MYRFL: variants seen among roughly 807,000 people sequenced by gnomAD.
MYRFL encodes myelin regulatory factor like.
Under a neutral mutation model 109.4 loss-of-function variants are expected in MYRFL, and 88 were observed. The ratio of observed to expected loss-of-function variants is 0.80; its 90% CI spans 0.68 to 0.96. The LOEUF (loss-of-function observed/expected upper bound fraction) is 0.96. Among genes scored for constraint, MYRFL ranks in the 40% least tolerant of loss-of-function variants. The pLI is 0.00. For missense variants in MYRFL, 957 were observed against 954.9 expected (o/e 1.00, Z -0.03); for synonymous variants, 324 against 320.9 (o/e 1.01, Z -0.10).
At chr12:69,857,333 T>C (rs1393399674) in intron 2 of MYRFL, among the ~76,000 whole-genome samples, 1 of 151,930 alleles carries the variant, frequency 6.6e-6, no homozygotes, top group African/African-American at 2.4e-5. Flanking sequence ...GTGTAAGTCC[T>C]CTGAATTTTT....
chr12:69,827,369 G>A lies in MYRFL; in HGVS notation c.46+1806G>A, dbSNP rs982485563. 3.3e-5 allele frequency among the ~76,000 whole-genome samples: 5 copies of A among 151,584 alleles called. No individual in the cohort carries two copies. The East Asian group carries it at 9.7e-4, about 29-fold the overall frequency. On this transcript the variant is annotated intron_variant, in intron 1 of 24. Transcript: ENST00000552032. ...TTTTTTTTTTTAAACTTCCAAACGT[G>A]ACTAAATCTTCATGGTGTCTCAGGA...
chr12:69,830,887 C>T (rs1392222346), intron 1 of MYRFL, among the ~76,000 whole-genome samples: 1 of 152,074 alleles, frequency 6.6e-6, no homozygotes, highest in African/African-American at 2.4e-5. Flanking sequence ...GAGTGGAGGA[C>T]TCCCCACCTT....
In MYRFL at chr12:69,855,276, G is replaced by T. The variant is rs1230848787; in HGVS notation, c.47-4G>T. ...TTCTCAAGATTTTCAATTTGCCTTTGCAGCTCAGGGAGCCAATGGTACTCT... is the reference window on the plus strand; with the variant it reads ...TTCTCAAGATTTTCAATTTGCCTTTTCAGCTCAGGGAGCCAATGGTACTCT... On this transcript the variant is annotated splice_region_variant and splice_polypyrimidine_tract_variant and intron_variant, in intron 1 of 24. Transcript: ENST00000552032. The T allele has an allele frequency of 1.4e-6, 1 of 699,362 alleles. No individual in the cohort carries two copies. The highest frequency in any genetic ancestry group is 2.6e-6 in the Non-Finnish European group (1 of 383,778). 43.3% of individuals were successfully genotyped at this position (699,362 alleles called of 1,614,324 possible).
chr12:69,943,104 T>C (rs1363935851), intron 19 of MYRFL, among the ~76,000 whole-genome samples: 1 of 151,544 alleles, frequency 6.6e-6, no homozygotes, highest in Non-Finnish European at 1.5e-5. Context: ...ATGGCCATAC[T>C]GCCCAGGGTA....
At chr12:69,847,884 A>T (rs1032451979) in intron 1 of MYRFL, among the ~76,000 whole-genome samples, 1 of 152,166 alleles carries the variant, frequency 6.6e-6, no homozygotes, top group Non-Finnish European at 1.5e-5. Flanking sequence ...TATGTAGTCA[A>T]ATTTATAGAC....
At chr12:69,885,053 TTCTC>T (rs940820339) in intron 5 of MYRFL, among the ~76,000 whole-genome samples, 3 of 152,200 alleles carry the variant, frequency 2.0e-5, no homozygotes, top group South Asian at 4.1e-4. Context: ...AAGAATTATG[TTCTC>T]TCTTTCTCTC....
intron 2 of MYRFL, among the ~76,000 whole-genome samples, chr12:69,875,796 C>T (rs914501133): frequency 6.6e-6 from 1 of 152,236 alleles, no homozygotes; most frequent in African/African-American, 2.4e-5. Flanking sequence ...GCCCCCACTA[C>T]GTCCATCTCT....
chr12:69,880,968 T>G (rs1886061849), intron 5 of MYRFL, among the ~76,000 whole-genome samples: 1 of 145,856 alleles, frequency 6.9e-6, no homozygotes, highest in African/African-American at 2.6e-5. Flanking sequence ...TTTTTTTTTT[T>G]TGTCTTATAT....
intron 21 of MYRFL, among the ~76,000 whole-genome samples, chr12:69,954,393 T>C (rs771625359): frequency 3.9e-5 from 6 of 152,240 alleles, no homozygotes; most frequent in Non-Finnish European, 8.8e-5. Flanking sequence ...CTTTCTATTT[T>C]AAAAAGTACA....
At chr12:69,910,995 T>C (rs1014617121) in intron 13 of MYRFL, 65 bp downstream of exon 13, 21 of 1,142,824 alleles carry the variant, frequency 1.8e-5, no homozygotes, top group Admixed American at 4.3e-5. Context: ...CCTTCTGTGA[T>C]AGCACAATGG....
At chr12:69,882,964 T>C (rs1886223492) in intron 5 of MYRFL, among the ~76,000 whole-genome samples, 1 of 152,198 alleles carries the variant, frequency 6.6e-6, no homozygotes, top group African/African-American at 2.4e-5. Flanking sequence ...GAAACGAGAA[T>C]AATAATTTTG....
chr12:69,947,243 T>C (rs971202346), intron 19 of MYRFL, among the ~76,000 whole-genome samples: 5 of 152,076 alleles, frequency 3.3e-5, no homozygotes, highest in Non-Finnish European at 7.4e-5. Context: ...GGATGCAGAG[T>C]AATATCTAAC....
chr12:69,843,907 TAA>T (rs1883381964), intron 1 of MYRFL, among the ~76,000 whole-genome samples: 2 of 152,114 alleles, frequency 1.3e-5, no homozygotes, highest in Non-Finnish European at 1.5e-5. Context: ...GCTACAGAAG[TAA>T]AGAGTGGAAC....
chr12:69,957,274 T>A (rs1421949468), intron 22 of MYRFL, among the ~76,000 whole-genome samples: 1 of 152,226 alleles, frequency 6.6e-6, no homozygotes, highest in Non-Finnish European at 1.5e-5. Flanking sequence ...TTAAACAATA[T>A]CTGCCTAGAC....
At chr12:69,871,742 T>C (rs951226163) in intron 2 of MYRFL, among the ~76,000 whole-genome samples, 4 of 152,228 alleles carry the variant, frequency 2.6e-5, no homozygotes, top group Admixed American at 2.0e-4. Flanking sequence ...TACATTATCA[T>C]GATGTGTCAC....
intron 1 of MYRFL, among the ~76,000 whole-genome samples, chr12:69,850,929 T>C (rs1385440933): frequency 6.6e-6 from 1 of 152,172 alleles, no homozygotes; most frequent in Non-Finnish European, 1.5e-5. Flanking sequence ...TTTGGAATTG[T>C]CTATCTGTTG....
chr12:69,889,304 G>C (rs555534076), intron 6 of MYRFL, among the ~76,000 whole-genome samples: 3 of 151,974 alleles, frequency 2.0e-5, no homozygotes, highest in African/African-American at 7.2e-5. Flanking sequence ...CATCAAAGAA[G>C]TTTTCAACTT....
intron 13 of MYRFL, among the ~76,000 whole-genome samples, chr12:69,922,154 C>T (rs982524588): frequency 4.6e-5 from 7 of 151,834 alleles, no homozygotes; most frequent in East Asian, 1.9e-4. Flanking sequence ...TTAGAGAGGA[C>T]GGCTGGAAAT....
Position 69,958,756 on chromosome 12 carries a change from T to C in MYRFL, c.*225T>C. On this transcript the variant is annotated 3_prime_UTR_variant, in exon 25 of 25. Transcript: ENST00000552032. ...GTGATGTTTGATTTTGCCATGACTA[T>C]GAAGAAAACATTTCCTGGAGCAAAC... The C allele has an allele frequency of 6.4e-6, 3 of 471,324 alleles. No homozygotes were observed. Among genetic ancestry groups the C allele is most frequent in the Non-Finnish European group, 1.1e-5 (3 of 269,278 alleles). The allele number at this position is 471,324 out of a possible 1,614,324, so 29.2% of individuals were successfully genotyped here. A position where few individuals can be genotyped will look rare whatever the true frequency, so the allele number is the denominator to read the frequency against.
Sources: allele counts gnomAD v4.1 joint callset (sites outside exome capture counted in the v4.1 genomes callset), GRCh38; gene constraint gnomAD v4.1.1; transcripts MANE v1.5; gene names NCBI Gene and HGNC (gene_info 2026-07-23, HGNC 2026-07-21).